MALRD1: variants seen among roughly 807,000 people sequenced by gnomAD.
MALRD1 encodes the protein MAM and LDL receptor class A domain containing 1, also known as MAM and LDL-receptor class A domain-containing protein 1.
MALRD1 carries 247 observed loss-of-function variants against 242.1 expected under a neutral mutation model. The observed-to-expected ratio is 1.02, with a 90% CI of 0.92 to 1.13. The LOEUF is 1.13. Ranked by LOEUF, MALRD1 falls within the 50% of genes most tolerant of loss-of-function variation. The pLI is 0.00. For missense variants in MALRD1, 2,989 were observed against 2,533.1 expected (o/e 1.18, Z -3.86); for synonymous variants, 995 against 866.6 (o/e 1.15, Z -2.60).
At chr10:19,133,588 GT>G (rs928253980) in intron 8 of MALRD1, among the ~76,000 whole-genome samples, 2 of 151,962 alleles carry the variant, frequency 1.3e-5, no homozygotes, top group African/African-American at 2.4e-5. Context: ...ACGCAGTACT[GT>G]TTTTTTAAAA....
chr10:19,583,547 A>G (rs1222816109), intron 33 of MALRD1, among the ~76,000 whole-genome samples: 2 of 151,360 alleles, frequency 1.3e-5, no homozygotes, highest in East Asian at 3.9e-4. Flanking sequence ...CGTATATTGA[A>G]CCAGCCTTGC....
At chr10:19,260,681 T>C (rs1440636840) in intron 19 of MALRD1, among the ~76,000 whole-genome samples, 2 of 152,174 alleles carry the variant, frequency 1.3e-5, no homozygotes, top group Non-Finnish European at 2.9e-5. Context: ...TTTAAGAGTC[T>C]AGAAGAGTGC....
chr10:19,278,451 A>G (rs1840641385), intron 19 of MALRD1, among the ~76,000 whole-genome samples: 1 of 151,264 alleles, frequency 6.6e-6, no homozygotes, highest in Non-Finnish European at 1.5e-5. Flanking sequence ...CTGTCCATCC[A>G]TCCATCCATC....
intron 23 of MALRD1, among the ~76,000 whole-genome samples, chr10:19,328,142 T>A (rs1386455966): frequency 6.6e-6 from 1 of 152,156 alleles, no homozygotes; most frequent in East Asian, 1.9e-4. Context: ...TTTGTCTTCA[T>A]GGAATTTGTG....
At chr10:19,443,074 C>T (rs1834762402) in intron 28 of MALRD1, among the ~76,000 whole-genome samples, 1 of 152,176 alleles carries the variant, frequency 6.6e-6, no homozygotes, top group South Asian at 2.1e-4. Flanking sequence ...GGAATTTATC[C>T]ATTTCTTCTA....
intron 29 of MALRD1, among the ~76,000 whole-genome samples, chr10:19,485,439 C>T (rs1342448916): frequency 6.6e-6 from 1 of 152,028 alleles, no homozygotes; most frequent in African/African-American, 2.4e-5. Flanking sequence ...GTCAGGAGAT[C>T]GAGACCATTC....
chr10:19,262,424 G>C (rs138554767), intron 19 of MALRD1, among the ~76,000 whole-genome samples: 1 of 151,998 alleles, frequency 6.6e-6, no homozygotes, highest in Non-Finnish European at 1.5e-5. Context: ...GGGAAGCTGA[G>C]GTGGGCAGAT....
rs1491220851 is a variant in MALRD1 at position 19,312,400 on chromosome 10, A to ATATATGTGTG, written c.3420-11548_3420-11547insATATGTGTGT. 1.7e-4 allele frequency among the ~76,000 whole-genome samples: 25 copies of ATATATGTGTG among 143,632 alleles called. 1 individual carries two copies. The South Asian group carries it at 2.4e-3, about 14-fold the overall frequency. 94.2% of individuals were successfully genotyped at this position (143,632 alleles called of 152,430 possible). On this transcript the variant is annotated intron_variant, in intron 21 of 39. Coordinates refer to ENST00000454679, the MANE Select transcript of MALRD1 (RefSeq NM_001142308.3). ...TGTGTATATATATATATATATATAT[A>ATATATGTGTG]TGTGTATATGTGTGTGTGTGTGTGT...
At chr10:19,213,665 CCTT>C (rs1156673676) in intron 18 of MALRD1, among the ~76,000 whole-genome samples, 1 of 152,156 alleles carries the variant, frequency 6.6e-6, no homozygotes, top group Non-Finnish European at 1.5e-5. Context: ...TGATTTTTCT[CCTT>C]ATTATGAGCC....
intron 28 of MALRD1, among the ~76,000 whole-genome samples, chr10:19,412,516 G>A (rs1833317385): frequency 6.6e-6 from 1 of 152,196 alleles, no homozygotes; most frequent in Non-Finnish European, 1.5e-5. Flanking sequence ...AAGTGATTCA[G>A]TGGGGAATCC....
At chr10:19,229,309 TGAG>T (rs1462119270) in intron 18 of MALRD1, among the ~76,000 whole-genome samples, 2 of 152,152 alleles carry the variant, frequency 1.3e-5, no homozygotes, top group Admixed American at 6.6e-5. Context: ...TGAAATGTTT[TGAG>T]GAGATATTTA....
chr10:19,609,018 C>T (rs2131594819), intron 35 of MALRD1, among the ~76,000 whole-genome samples: 2 of 152,176 alleles, frequency 1.3e-5, no homozygotes, highest in South Asian at 4.1e-4. Context: ...AACTTATTTA[C>T]ATAAAGACAA....
intron 33 of MALRD1, among the ~76,000 whole-genome samples, chr10:19,573,789 A>T (rs1836672458): frequency 6.6e-6 from 1 of 152,110 alleles, no homozygotes; most frequent in South Asian, 2.1e-4. Context: ...CTCCATTGAA[A>T]CATGCTGCAT....
chr10:19,380,277 C>CTT (rs11449066), intron 26 of MALRD1, among the ~76,000 whole-genome samples: 1,856 of 140,644 alleles, frequency 0.013, 30 homozygotes, highest in African/African-American at 0.032. Context: ...GGCCAGCCTT[C>CTT]TTTTTTTTTT....
intron 36 of MALRD1, among the ~76,000 whole-genome samples, chr10:19,638,040 GCAGTGAGCAGAGATTGTGCCA>G (rs2131670163): frequency 7.1e-6 from 1 of 141,380 alleles, no homozygotes; most frequent in African/African-American, 2.6e-5. Flanking sequence ...GGCAGGGGTT[GCAGTGAGCAGAGATTGTGCCA>G]CTGCACTGTA....
intron 20 of MALRD1, among the ~76,000 whole-genome samples, chr10:19,281,232 T>C (rs1179657035): frequency 3.3e-5 from 5 of 152,218 alleles, no homozygotes; most frequent in Non-Finnish European, 5.9e-5. Flanking sequence ...ATTTATATCA[T>C]GCATCACAGA....
chr10:19,360,921 G>C (rs1181225113), intron 26 of MALRD1, among the ~76,000 whole-genome samples: 2 of 149,848 alleles, frequency 1.3e-5, no homozygotes, highest in African/African-American at 4.9e-5. Flanking sequence ...TTTTTTTTTT[G>C]AAATTCATTC....
chr10:19,244,341 G>C (rs1469338511), intron 18 of MALRD1, among the ~76,000 whole-genome samples: 1 of 152,126 alleles, frequency 6.6e-6, no homozygotes, highest in Non-Finnish European at 1.5e-5. Context: ...GGGAATTCAA[G>C]GCAGGTGGAT....
chr10:19,523,332 A>G (rs1833961614), intron 31 of MALRD1, among the ~76,000 whole-genome samples: 1 of 152,192 alleles, frequency 6.6e-6, no homozygotes, highest in Admixed American at 6.5e-5. Flanking sequence ...TTCAATGAAA[A>G]TAACTATTCT....
Sources: allele counts gnomAD v4.1 joint callset (sites outside exome capture counted in the v4.1 genomes callset), GRCh38; gene constraint gnomAD v4.1.1; transcripts MANE v1.5; gene names NCBI Gene and HGNC (gene_info 2026-07-23, HGNC 2026-07-21).